DHX38: variants seen among roughly 807,000 people sequenced by gnomAD.
DHX38 encodes the protein DEAH-box helicase 38, also known as pre-mRNA-splicing factor ATP-dependent RNA helicase PRP16.
In DHX38, 100 loss-of-function variants were observed where a neutral mutation model predicts 153.1. The ratio of observed to expected loss-of-function variants is 0.65; its 90% CI spans 0.56 to 0.77. The LOEUF is 0.77. DHX38 is among the 30% of genes least tolerant of loss of function. The pLI, the probability that DHX38 is intolerant of heterozygous loss-of-function variation, is 0.00. For missense variants in DHX38, 1,440 were observed against 1,654.0 expected (o/e 0.87, Z 2.24); for synonymous variants, 650 against 631.7 (o/e 1.03, Z -0.43).
chr16:72,099,825 G>T lies in DHX38; in HGVS notation c.1054G>T (p.Glu352Ter), dbSNP rs753110191. Residue 352 changes from glutamate to a stop codon, truncating the protein, a stop_gained, in exon 8 of 27, where the codon GAG becomes TAG. Transcript: ENST00000268482. LOFTEE classifies it high-confidence loss of function. ...YSSEDYVRRR[E>*]QHLHKQKQKR... ...CTCCGAGGACTACGTGAGGAGGCGG[G>T]AGCAGCACCTGCATAAACAGAAGCA... 6.8e-6 allele frequency: 11 copies of T among 1,613,872 alleles called. No individual in the cohort carries two copies. The highest frequency in any genetic ancestry group is 8.5e-6 in the Non-Finnish European group (10 of 1,179,864).
chr16:72,105,167 C>T (rs755240245), intron 16 of DHX38, 30 bp downstream of exon 16: 31 of 1,613,270 alleles, frequency 1.9e-5, no homozygotes, highest in Admixed American at 1.7e-4. Context: ...CTGTGATGAG[C>T]GGGTGTGTCT....
rs909825995 is a variant in DHX38 at position 72,099,948 on chromosome 16, CA to C, written c.1116+62del. ...GCTGGAGGTAGAGCACGTGGGGAAG[CA>C]GCAGGTTATCCCCAAGTGAGGGCAG... On this transcript the variant is annotated intron_variant, in intron 8 of 26. Coordinates refer to ENST00000268482, the MANE Select transcript of DHX38 (RefSeq NM_014003.4). The C allele has an allele frequency of 1.0e-5, 16 of 1,541,556 alleles. No individual in the cohort carries two copies. The African/African-American group carries it at 2.2e-4, about 21-fold the overall frequency.
rs367985431 is a variant in DHX38 at position 72,099,935 on chromosome 16, G to C, written c.1116+48G>C. The C allele has an allele frequency of 8.1e-5, 126 of 1,557,468 alleles. 3 individuals carry two copies. In the South Asian group the frequency reaches 1.4e-3, roughly 18 times the overall value. On this transcript the variant is annotated intron_variant, in intron 8 of 26. Coordinates refer to ENST00000268482, the MANE Select transcript of DHX38 (RefSeq NM_014003.4). ...GAGCAGATTCAGAGCTGGAGGTAGA[G>C]CACGTGGGGAAGCAGCAGGTTATCC...
rs1335649009 is a variant in DHX38 at position 72,093,904 on chromosome 16, A to C, written c.-167A>C. On this transcript the variant is annotated 5_prime_UTR_variant, in exon 1 of 27. Coordinates refer to ENST00000268482, the MANE Select transcript of DHX38 (RefSeq NM_014003.4). ...TGCTCTCTATGGTAGCTTTGGGCGG[A>C]TAGAGGGGGCGCGCAAAGTATTAAG... 6.6e-6 allele frequency: 1 copy of C among 152,086 alleles called. No homozygotes were observed. Among genetic ancestry groups the C allele is most frequent in the Non-Finnish European group, 1.5e-5 (1 of 68,042 alleles). 9.4% of individuals were successfully genotyped at this position (152,086 alleles called of 1,614,324 possible).
At position 72,096,889 on chromosome 16, in the gene DHX38, C is replaced by G; in HGVS notation, c.391C>G (p.Arg131Gly). Reference sequence around the variant, plus strand: ...TGGTGTGAGCGAAGAGTTTTGGGAACGCAGTCGGCAGAGAGAGCGGGAGCG... The same window carrying G: ...TGGTGTGAGCGAAGAGTTTTGGGAAGGCAGTCGGCAGAGAGAGCGGGAGCG... ...PGGVSEEFWE[R>G]SRQRERERRE... The change falls in exon 3 of 27, where the codon CGC (arginine) becomes GGC (glycine). Residue 131 changes from arginine to glycine, a missense_variant. Physicochemically the swap from Arg to Gly is moderately radical, Grantham distance 125. Transcript: ENST00000268482. 6.2e-7 allele frequency: 1 copy of G among 1,614,008 alleles called. No individual in the cohort carries two copies. Among genetic ancestry groups the G allele is most frequent in the Non-Finnish European group, 8.5e-7 (1 of 1,179,964 alleles).
chr16:72,106,170 G>A lies in DHX38; in HGVS notation c.2600+53G>A, dbSNP rs537915370. 5.5e-3 allele frequency: 8,644 copies of A among 1,570,416 alleles called. 35 individuals carry two copies. The highest frequency in any genetic ancestry group is 7.0e-3 in the Non-Finnish European group (8,059 of 1,144,656). ...TGGGGCAGCGCTGGGGTTGCTGAGC[G>A]TGGAGCCCGGGCGGGGGCGGGCAGG... On this transcript the variant is annotated intron_variant, in intron 19 of 26. Transcript: ENST00000268482.
At chr16:72,108,684 G>T in intron 23 of DHX38, 77 bp downstream of exon 23, 1 of 1,589,426 alleles carries the variant, frequency 6.3e-7, no homozygotes. Context: ...GTCCTGGTGT[G>T]GTTCTGCAGA....
At position 72,101,186 on chromosome 16, in the gene DHX38, G is replaced by A. The variant is rs779025493; in HGVS notation, c.1379G>A (p.Arg460His). The A allele has an allele frequency of 6.2e-6, 10 of 1,614,110 alleles. No homozygotes were observed. Among genetic ancestry groups the A allele is most frequent in the South Asian group, 4.4e-5 (4 of 91,082 alleles). Residue 460 changes from arginine (R) to histidine (H), a missense_variant, in exon 10 of 27, where the codon CGC becomes CAC. By Grantham distance (29) the Arg-to-His change is conservative. Coordinates refer to ENST00000268482, the MANE Select transcript of DHX38 (RefSeq NM_014003.4). ...CGGAAGCACAGGGAGCAGAAGGAGC[G>A]CAAGAAGGTTGGTTTCTTGGTTTCG... ...TVRKHREQKE[R>H]KKAQHKHWEL...
At chr16:72,095,721 A>T (rs1288535732) in intron 1 of DHX38, among the ~76,000 whole-genome samples, 1 of 152,246 alleles carries the variant, frequency 6.6e-6, no homozygotes, top group Non-Finnish European at 1.5e-5. Flanking sequence ...TTACCATCAT[A>T]CAGGTAGAAA....
intron 17 of DHX38, 57 bp from the exon 18 acceptor site, chr16:72,105,460 C>A (rs558503380): frequency 1.2e-4 from 199 of 1,606,490 alleles, no homozygotes; most frequent in Admixed American, 3.8e-4. Flanking sequence ...TTCCCCCTCG[C>A]GGAGCCTTTC....
chr16:72,109,757 A>C, intron 25 of DHX38: 1 of 340,448 alleles, frequency 2.9e-6, no homozygotes, highest in South Asian at 4.2e-5. Context: ...GAAAGTGGGA[A>C]AAACAGTACA....
intron 11 of DHX38, among the ~76,000 whole-genome samples, chr16:72,102,188 C>T (rs1234055232): frequency 6.6e-6 from 1 of 152,184 alleles, no homozygotes; most frequent in African/African-American, 2.4e-5. Flanking sequence ...CCCTTATGTT[C>T]TACTGAACGG....
rs912497430 is a variant in DHX38 at position 72,107,132 on chromosome 16, A to G, written c.2601-208A>G. 7.4e-5 allele frequency among the ~76,000 whole-genome samples: 11 copies of G among 149,430 alleles called. No individual in the cohort carries two copies. Among genetic ancestry groups the G allele is most frequent in the Admixed American group, 4.7e-4 (7 of 15,002 alleles). ...TGGGCAACAGAGTGAGACTCTGTCT[A>G]AAAAAAAAAGAAATGAAACATGTAA... On this transcript the variant is annotated intron_variant, in intron 19 of 26. Coordinates refer to ENST00000268482, the MANE Select transcript of DHX38 (RefSeq NM_014003.4). This position sits in a 1 kb window ranked among gnomAD's most constrained non-coding sequence, Gnocchi z 5.3.
rs199831415 is a variant in DHX38, at chr16:72,099,737, C to T, written c.966C>T (p.Ala322=). 42 of 1,613,918 alleles carry T rather than the reference C, an allele frequency of 2.6e-5. 1 individual carries two copies. Among genetic ancestry groups the T allele is most frequent in the African/African-American group, 4.0e-5 (3 of 74,910 alleles). The change falls in exon 8 of 27, where the codon GCC becomes GCT. Residue 322 remains alanine, a synonymous_variant. Coordinates refer to ENST00000268482, the MANE Select transcript of DHX38 (RefSeq NM_014003.4). ...RQQWEDDQRQ[A]DRDWYMMDEG... is the part of the protein sequence containing the mutation. ...CTTTGCCTCCTGCCCTGCAGCAAGCCGATCGGGATTGGTACATGATGGACG... is the reference window on the plus strand; with the variant it reads ...CTTTGCCTCCTGCCCTGCAGCAAGCTGATCGGGATTGGTACATGATGGACG...
Position 72,104,427 on chromosome 16 carries a change from T to C in DHX38, c.2011-59T>C. The C allele has an allele frequency of 6.2e-7, 1 of 1,602,226 alleles. No individual in the cohort carries two copies. Among genetic ancestry groups the C allele is most frequent in the Non-Finnish European group, 8.5e-7 (1 of 1,176,876 alleles). On this transcript the variant is annotated intron_variant, in intron 14 of 26. Transcript: ENST00000268482. The surrounding 1 kb of genome is among the most constrained non-coding windows in gnomAD (Gnocchi z 4.5). ...TCCTCGGGGGTGGTGCTGATGGGAC[T>C]GGGGGACAGGAGCCAAGGGTCCCCA...
At chr16:72,098,572 T>G in intron 4 of DHX38, 73 bp from the exon 5 acceptor site, 1 of 1,561,212 alleles carries the variant, frequency 6.4e-7, no homozygotes, top group East Asian at 2.3e-5. Flanking sequence ...GGGAATTGAC[T>G]TTTGGCAACT....
rs1567607313 is a variant in DHX38, at chr16:72,103,139, A to G, written c.1565A>G (p.Lys522Arg). Residue 522 changes from lysine to arginine, a missense_variant, in exon 12 of 27, where the codon AAG becomes AGG. Transcript: ENST00000268482. Reference sequence around the variant, plus strand: ...GAAGCCAGCAGTGAATTTGCAAAGAAGAAGTCCATCCTGGAGCAGAGGCAG... The same window carrying G: ...GAAGCCAGCAGTGAATTTGCAAAGAGGAAGTCCATCCTGGAGCAGAGGCAG... ...KSEASSEFAK[K>R]KSILEQRQYL... is the part of the protein sequence containing the mutation. 6.2e-7 allele frequency: 1 copy of G among 1,614,252 alleles called. No individual in the cohort carries two copies. Among genetic ancestry groups the G allele is most frequent in the East Asian group, 2.2e-5 (1 of 44,890 alleles).
At chr16:72,100,068 G>A (rs1042534823) in intron 8 of DHX38, among the ~76,000 whole-genome samples, 181 bp downstream of exon 8, 1 of 152,126 alleles carries the variant, frequency 6.6e-6, no homozygotes, top group African/African-American at 2.4e-5. Flanking sequence ...GGAAAGCCCC[G>A]GCTCGTACTT....
chr16:72,098,576 G>C, intron 4 of DHX38, 69 bp from the exon 5 acceptor site: 2 of 1,563,078 alleles, frequency 1.3e-6, no homozygotes, highest in Non-Finnish European at 1.7e-6. Flanking sequence ...ATTGACTTTT[G>C]GCAACTGGTT....
Sources: allele counts gnomAD v4.1 joint callset (sites outside exome capture counted in the v4.1 genomes callset), GRCh38; gene constraint gnomAD v4.1.1; non-coding constraint Gnocchi (gnomAD v3.1); transcripts MANE v1.5; gene names NCBI Gene and HGNC (gene_info 2026-07-23, HGNC 2026-07-21).